CABIN1: variants seen among roughly 807,000 people sequenced by gnomAD.
The protein encoded by CABIN1 is calcineurin binding protein 1, also known as calcineurin-binding protein cabin-1.
In CABIN1, 133 loss-of-function variants were observed where a neutral mutation model predicts 227.7. That is an observed-to-expected ratio of 0.58 (90% confidence interval 0.51 to 0.67). CABIN1 has a LOEUF of 0.67. Among genes scored for constraint, CABIN1 ranks in the 30% least tolerant of loss-of-function variants. The probability of loss-of-function intolerance (pLI) is 0.00; values close to 1 mark genes in which losing one functional copy is unlikely to be tolerated. For missense variants in CABIN1, 2,408 were observed against 2,852.5 expected, an observed-to-expected ratio of 0.84 and a Z score of 3.55; for synonymous variants, 1,086 against 1,155.1, an observed-to-expected ratio of 0.94 and a Z score of 1.21.
chr22:24,058,223 A>G (rs1363564976), intron 10 of CABIN1, among the ~76,000 whole-genome samples: 2 of 152,144 alleles, frequency 1.3e-5, no homozygotes, highest in Non-Finnish European at 2.9e-5. Flanking sequence ...AGGTCTTGCT[A>G]TATTGCCCAG....
At chr22:24,172,287 TA>T in intron 34 of CABIN1, among the ~76,000 whole-genome samples, 1 of 152,350 alleles carries the variant, frequency 6.6e-6, no homozygotes, top group South Asian at 2.1e-4. Context: ...ACGTGTTTGC[TA>T]CTGTTTCCTC....
intron 1 of CABIN1, among the ~76,000 whole-genome samples, chr22:24,024,842 TTTC>T (rs1215521886): frequency 2.0e-5 from 3 of 152,230 alleles, no homozygotes; most frequent in Admixed American, 6.5e-5. Flanking sequence ...TTTTGTTTGA[TTTC>T]TTTTTAGAAT....
At chr22:24,038,110 T>G (rs980520045) in intron 3 of CABIN1, among the ~76,000 whole-genome samples, 2 of 152,054 alleles carry the variant, frequency 1.3e-5, no homozygotes, top group Admixed American at 6.6e-5. Context: ...ACCCTGCCCT[T>G]TAGGGTTTTT....
intron 6 of CABIN1, among the ~76,000 whole-genome samples, chr22:24,045,917 C>T (rs570183341): frequency 1.3e-5 from 2 of 152,296 alleles, no homozygotes; most frequent in South Asian, 2.1e-4. Context: ...GCAAAACATA[C>T]ATACAATAAG....
intron 9 of CABIN1, among the ~76,000 whole-genome samples, chr22:24,055,901 G>A (rs1465467751): frequency 1.3e-5 from 2 of 152,134 alleles, no homozygotes; most frequent in Non-Finnish European, 2.9e-5. Flanking sequence ...AAGTTCAGCC[G>A]ACCAGTGAGG....
At chr22:24,107,041 T>C (rs953388694) in intron 26 of CABIN1, among the ~76,000 whole-genome samples, 18 of 152,328 alleles carry the variant, frequency 1.2e-4, no homozygotes, top group African/African-American at 4.3e-4. Context: ...TTTGAAGAGA[T>C]AACACATCCC....
chr22:24,097,567 A>C (rs886752516), intron 25 of CABIN1, among the ~76,000 whole-genome samples: 2 of 152,180 alleles, frequency 1.3e-5, no homozygotes, highest in Admixed American at 6.5e-5. Flanking sequence ...AGTGTTTCTA[A>C]TGTTTCTGCT....
At chr22:24,075,714 C>G (rs751671099) in intron 18 of CABIN1, among the ~76,000 whole-genome samples, 1 of 151,982 alleles carries the variant, frequency 6.6e-6, no homozygotes, top group Admixed American at 6.6e-5. Context: ...CAACTGTACT[C>G]CAGCCTGGGC....
At position 24,086,221 on chromosome 22, in the gene CABIN1, C is replaced by A. The variant is rs2267056; in HGVS notation, c.3263+1070C>A. On this transcript the variant is annotated intron_variant, in intron 22 of 36. Transcript: ENST00000263119. ...TATCTATGCTCAGTCTGGCTGAGTG[C>A]TTACTGCGCCACAGTTCAGGTTTCC... Among the ~76,000 whole-genome samples the A allele has an allele frequency of 8.2e-4, 125 of 152,328 alleles. 1 individual carries two copies. In the East Asian group the frequency reaches 0.021, roughly 26 times the overall value.
intron 16 of CABIN1, among the ~76,000 whole-genome samples, chr22:24,069,936 C>A (rs926940913): frequency 2.6e-5 from 4 of 152,158 alleles, no homozygotes; most frequent in African/African-American, 9.7e-5. Context: ...GGTCACCGGG[C>A]AGCAGGTGCT....
chr22:24,147,970 G>A (rs2045254911), intron 29 of CABIN1, among the ~76,000 whole-genome samples: 1 of 152,212 alleles, frequency 6.6e-6, no homozygotes, highest in Non-Finnish European at 1.5e-5. Flanking sequence ...GCAGAGTCTG[G>A]GTGTGAGCAG....
intron 9 of CABIN1, among the ~76,000 whole-genome samples, chr22:24,055,778 C>A (rs974675075): frequency 7.9e-5 from 12 of 152,018 alleles, no homozygotes; most frequent in Non-Finnish European, 4.4e-5. Flanking sequence ...TTCTATTGTC[C>A]ATATAGTTCA....
chr22:24,059,646 T>C (rs2039048121), intron 11 of CABIN1, among the ~76,000 whole-genome samples: 1 of 152,202 alleles, frequency 6.6e-6, no homozygotes, highest in Middle Eastern at 3.2e-3. Flanking sequence ...AGTGTATAAC[T>C]GTTGAGTGAG....
rs371050778 is a variant in CABIN1, at chr22:24,084,796, A to G, written c.3117+11A>G. 5.9e-4 allele frequency: 948 copies of G among 1,612,866 alleles called. 1 individual carries two copies. Among genetic ancestry groups the G allele is most frequent in the Non-Finnish European group, 7.5e-4 (881 of 1,178,956 alleles). ...GGAACTTCAACTGAGGTGGGCCCACAACCTTGAGGACGTGGGGGACAGGGC... is the reference window on the plus strand; with the variant it reads ...GGAACTTCAACTGAGGTGGGCCCACGACCTTGAGGACGTGGGGGACAGGGC... On this transcript the variant is annotated intron_variant, in intron 21 of 36. Coordinates refer to ENST00000263119, the MANE Select transcript of CABIN1 (RefSeq NM_012295.4).
Position 24,056,234 on chromosome 22 carries a change from G to A in CABIN1, c.1136G>A (p.Arg379Gln), listed in dbSNP as rs751395309. ...GGDKSKKGVKRKKISEESGET... is the reference protein window; with the variant it reads ...GGDKSKKGVKQKKISEESGET... ...GATAAATCCAAGAAAGGGGTAAAACGGAAGAAGATTTCAGAAGAGAGTGGA... is the reference window on the plus strand; with the variant it reads ...GATAAATCCAAGAAAGGGGTAAAACAGAAGAAGATTTCAGAAGAGAGTGGA... Residue 379 changes from arginine (R) to glutamine (Q), a missense_variant, in exon 10 of 37, where the codon CGG (arginine) becomes CAG (glutamine). Arg to Gln is a conservative substitution (Grantham distance 43, BLOSUM62 1). Coordinates refer to ENST00000263119, the MANE Select transcript of CABIN1 (RefSeq NM_012295.4). The A allele has an allele frequency of 1.2e-5, 20 of 1,614,066 alleles. No individual in the cohort carries two copies. Among genetic ancestry groups the A allele is most frequent in the Non-Finnish European group, 1.4e-5 (17 of 1,179,982 alleles).
At chr22:24,092,024 T>A in intron 24 of CABIN1, 181 bp downstream of exon 24, 1 of 718,552 alleles carries the variant, frequency 1.4e-6, no homozygotes, top group Non-Finnish European at 2.3e-6. Context: ...TCCCAAGGGG[T>A]GTTTATCATC....
At chr22:24,083,805 A>G (rs2040964523) in intron 20 of CABIN1, among the ~76,000 whole-genome samples, 1 of 152,224 alleles carries the variant, frequency 6.6e-6, no homozygotes, top group African/African-American at 2.4e-5. Flanking sequence ...AAACCAAAAA[A>G]TGTAGCATGG....
chr22:24,050,696 GTTATT>G, intron 7 of CABIN1, 124 bp from the exon 8 acceptor site: 1 of 1,131,920 alleles, frequency 8.8e-7, no homozygotes, highest in Admixed American at 1.9e-5. Context: ...GACTGAAGTG[GTTATT>G]TTATTTATAG....
chr22:24,061,961 GTCTCTCT>G lies in CABIN1; in HGVS notation c.1633_1639del (p.Ser545ProfsTer12). ...CTGTCCTGCAGGACATGATGCTGAT[GTCTCTCT>G]CCTGCATGGAACTCCAGCTGGACCA... On this transcript the variant is annotated frameshift_variant, in exon 13 of 37. Transcript: ENST00000263119. LOFTEE classifies it high-confidence loss of function. The G allele has an allele frequency of 6.2e-7, 1 of 1,613,818 alleles. No individual in the cohort carries two copies. Among genetic ancestry groups the G allele is most frequent in the African/African-American group, 1.3e-5 (1 of 75,024 alleles).
Sources: allele counts gnomAD v4.1 joint callset (sites outside exome capture counted in the v4.1 genomes callset), GRCh38; gene constraint gnomAD v4.1.1; transcripts MANE v1.5; gene names NCBI Gene and HGNC (gene_info 2026-07-23, HGNC 2026-07-21).